The following SYNE2 variants were observed in gnomAD, a reference collection of about 807,000 sequenced individuals.
SYNE2 encodes the protein nesprin-2.
A neutral mutation model predicts 856.3 loss-of-function variants in SYNE2; 431 were observed. The observed-to-expected ratio is 0.50, with a 90% confidence interval of 0.47 to 0.55. SYNE2 has a LOEUF of 0.55. Among genes scored for constraint, SYNE2 ranks in the 20% least tolerant of loss-of-function variants. The pLI is 0.00. For synonymous variants in SYNE2, 2,923 were observed against 2,872.3 expected (o/e 1.02, Z -0.56); for missense variants, 8,129 against 8,023.2 (o/e 1.01, Z -0.50).
chr14:64,215,203 G>A (rs985034661), intron 106 of SYNE2, 83 bp from the exon 107 acceptor site: 3 of 1,239,216 alleles, frequency 2.4e-6, no homozygotes, highest in Non-Finnish European at 3.6e-6. Flanking sequence ...CCTTCCAGCT[G>A]ACAATGTTTC....
intron 64 of SYNE2, among the ~76,000 whole-genome samples, chr14:64,102,501 A>T (rs979338397): frequency 7.6e-5 from 9 of 118,276 alleles, no homozygotes; most frequent in East Asian, 2.3e-4. Context: ...CATGGGCTGA[A>T]TTTTTTTTTT....
chr14:64,058,547 C>T (rs1374582006), intron 49 of SYNE2, among the ~76,000 whole-genome samples: 1 of 152,100 alleles, frequency 6.6e-6, no homozygotes. Context: ...AGTGCAGTGG[C>T]ACAGTCTTGC....
chr14:64,201,587 T>TTCAGGGTAGGGCAGGGTAGGGCAGG (rs2098566503), intron 99 of SYNE2, among the ~76,000 whole-genome samples: 1 of 152,160 alleles, frequency 6.6e-6, no homozygotes, highest in East Asian at 1.9e-4. Flanking sequence ...CAGGGACTAT[T>TTCAGGGTAGGGCAGGGTAGGGCAGG]GAAGGCTTTG....
Position 64,081,558 on chromosome 14 carries a change from G to C in SYNE2, c.11462G>C (p.Ser3821Thr). The C allele has an allele frequency of 6.2e-7, 1 of 1,614,146 alleles. No homozygotes were observed. The highest frequency in any genetic ancestry group is 1.1e-5 in the South Asian group (1 of 91,082). Residue 3821 changes from serine to threonine, a missense_variant, in exon 57 of 116, where the codon AGT becomes ACT. Physicochemically the swap from Ser to Thr is moderately conservative, Grantham distance 58. Around this residue, in one of 3 missense-constraint regions of SYNE2, gnomAD observed 5,410 missense variants for 5,284.8 expected, o/e 1.02. Coordinates refer to ENST00000555002, the MANE Select transcript of SYNE2 (RefSeq NM_182914.3). Reference sequence around the variant, plus strand: ...GACTATGACTCTTTGAGGACACTGAGTCACCATGCTAGCACTGTGCAGGTA... The same window carrying C: ...GACTATGACTCTTTGAGGACACTGACTCACCATGCTAGCACTGTGCAGGTA... ...PADYDSLRTLSHHASTVQMAL... is the reference protein window; with the variant it reads ...PADYDSLRTLTHHASTVQMAL...
Position 64,129,793 on chromosome 14 carries a change from A to G in SYNE2, c.14031A>G (p.Ala4677=), listed in dbSNP as rs773432077. 133 of 1,614,070 alleles carry G rather than the reference A, an allele frequency of 8.2e-5. No individual in the cohort carries two copies. The highest frequency in any genetic ancestry group is 1.0e-4 in the Non-Finnish European group (122 of 1,180,050). ...TGTCTCTCACTTAGAAAGCAGATGCATATACAGTGGAGCTGGAGAACGCCG... is the reference window on the plus strand; with the variant it reads ...TGTCTCTCACTTAGAAAGCAGATGCGTATACAGTGGAGCTGGAGAACGCCG... The part of the protein sequence containing the change: ...SVAEQLQKAD[A]YTVELENAES... Residue 4677 remains alanine, a synonymous_variant, in exon 75 of 116, where the codon GCA becomes GCG. Coordinates refer to ENST00000555002, the MANE Select transcript of SYNE2 (RefSeq NM_182914.3).
rs749970226 is a variant in SYNE2, at chr14:64,052,618, A to G, written c.8705A>G (p.Tyr2902Cys). The G allele has an allele frequency of 3.1e-6, 5 of 1,614,124 alleles. No homozygotes were observed. The highest frequency in any genetic ancestry group is 2.2e-5 in the East Asian group (1 of 44,884). ...STHLQELTNI[Y>C]EELNVFERLF... is the part of the protein sequence containing the mutation. ...CATCTTCAGGAGCTAACAAACATCT[A>G]TGAGGAGCTGAATGTGTTTGAAAGA... Residue 2902 changes from tyrosine (Y) to cysteine (C), a missense_variant, in exon 48 of 116, where the codon TAT becomes TGT. Around this residue, in one of 3 missense-constraint regions of SYNE2, gnomAD observed 5,410 missense variants for 5,284.8 expected, o/e 1.02. Coordinates refer to ENST00000555002, the MANE Select transcript of SYNE2 (RefSeq NM_182914.3).
In SYNE2 at chr14:64,113,513, C is replaced by G; in HGVS notation, c.12782C>G (p.Pro4261Arg). The G allele has an allele frequency of 1.9e-6, 3 of 1,613,894 alleles. No homozygotes were observed. Among genetic ancestry groups the G allele is most frequent in the Non-Finnish European group, 2.5e-6 (3 of 1,179,924 alleles). The change falls in exon 66 of 116, where the codon CCG (proline) becomes CGG (arginine). Residue 4261 changes from proline to arginine, a missense_variant. Physicochemically the swap from Pro to Arg is moderately radical, Grantham distance 103. Around this residue, in one of 3 missense-constraint regions of SYNE2, gnomAD observed 5,410 missense variants for 5,284.8 expected, o/e 1.02. Transcript: ENST00000555002. ...CAACAAGCCAACGTGGCAGTTGAGCCGGAAACATTAAACGCAGACATGCAG... is the reference window on the plus strand; with the variant it reads ...CAACAAGCCAACGTGGCAGTTGAGCGGGAAACATTAAACGCAGACATGCAG... ...WLQQANVAVE[P>R]ETLNADMQQV...
intron 2 of SYNE2, among the ~76,000 whole-genome samples, chr14:63,910,039 A>G (rs2095454518): frequency 6.6e-6 from 1 of 152,200 alleles, no homozygotes; most frequent in African/African-American, 2.4e-5. Flanking sequence ...TAGACCTTCT[A>G]CCTTTGTTGA....
In SYNE2 at chr14:63,858,915, A is replaced by C. The variant is rs369274095; in HGVS notation, c.-52+5772A>C. On this transcript the variant is annotated intron_variant, in intron 1 of 115. Coordinates refer to ENST00000555002, the MANE Select transcript of SYNE2 (RefSeq NM_182914.3). ...TAAGAAATCTGCCTAATTCAAAGTC[A>C]AAAAGGCTTTCTCCTATGATTTTTT... is the stretch of plus-strand genomic sequence containing the variant. Among the ~76,000 whole-genome samples, 9 of 152,372 alleles carry C rather than the reference A, an allele frequency of 5.9e-5. No homozygotes were observed. The East Asian group carries it at 1.5e-3, about 26-fold the overall frequency.
chr14:64,167,062 A>G, intron 90 of SYNE2, 171 bp from the exon 91 acceptor site: 1 of 739,764 alleles, frequency 1.4e-6, no homozygotes, highest in Non-Finnish European at 2.2e-6. Flanking sequence ...CACAGCATTG[A>G]GATAGCTGAA....
chr14:63,972,215 C>T (rs562028305), intron 11 of SYNE2, among the ~76,000 whole-genome samples: 5 of 152,042 alleles, frequency 3.3e-5, no homozygotes, highest in African/African-American at 9.7e-5. Flanking sequence ...AAGACCTGTC[C>T]GTGACAGGTC....
At position 63,906,732 on chromosome 14, in the gene SYNE2, C is replaced by T. The variant is rs118001353; in HGVS notation, c.-51-2366C>T. 6.2e-4 allele frequency among the ~76,000 whole-genome samples: 94 copies of T among 152,274 alleles called. 2 individuals carry two copies. The East Asian group carries it at 0.013, about 21-fold the overall frequency. On this transcript the variant is annotated intron_variant, in intron 1 of 115. Transcript: ENST00000555002. ...AGGTACTGTCCAAATAATGCTAATT[C>T]TAATAGGACTATTTTGCATGAAATG...
At chr14:63,887,144 A>G (rs12894864) in intron 1 of SYNE2, among the ~76,000 whole-genome samples, 103,236 of 151,756 alleles carry the variant, frequency 0.68, 35,183 homozygotes, top group South Asian at 0.78. Flanking sequence ...AGCTGGGCGT[A>G]GTGGCCTGTG....
intron 1 of SYNE2, among the ~76,000 whole-genome samples, chr14:63,807,387 G>C (rs116931617): frequency 0.023 from 3,534 of 151,112 alleles, 51 homozygotes; most frequent in Middle Eastern, 0.069. Flanking sequence ...TGGAATGACA[G>C]GTTGTTTCAG....
At chr14:64,141,804 C>A in intron 81 of SYNE2, 138 bp from the exon 82 acceptor site, 1 of 1,160,520 alleles carries the variant, frequency 8.6e-7, no homozygotes, top group Non-Finnish European at 1.2e-6. Context: ...AGTTTGAATG[C>A]TGGGTTTGTT....
intron 108 of SYNE2, among the ~76,000 whole-genome samples, chr14:64,217,751 T>G (rs775494077): frequency 6.6e-6 from 1 of 152,088 alleles, no homozygotes. Context: ...GTTTTTTTTT[T>G]ATTATTTTCA....
intron 113 of SYNE2, among the ~76,000 whole-genome samples, chr14:64,223,748 C>G (rs942187947): frequency 2.6e-5 from 4 of 152,108 alleles, no homozygotes; most frequent in African/African-American, 9.7e-5. Context: ...CATAGCTGGC[C>G]TACTTTAAAA....
rs1369443633 is a variant in SYNE2 at position 64,225,856 on chromosome 14, G to A, written c.*330G>A. 3 of 572,554 alleles carry A rather than the reference G, an allele frequency of 5.2e-6. No individual in the cohort carries two copies. In the African/African-American group the frequency reaches 5.6e-5, roughly 11 times the overall value. 35.5% of individuals were successfully genotyped at this position (572,554 alleles called of 1,614,324 possible). A position where few individuals can be genotyped will look rare whatever the true frequency, so the allele number is the denominator to read the frequency against. On this transcript the variant is annotated 3_prime_UTR_variant, in exon 116 of 116. Transcript: ENST00000555002. The stretch of plus-strand genomic sequence containing the variant: ...GTTTGTAAAACAGCATTATTATAAT[G>A]TAGGTATGGTCAATGAGCAGTGGTG...
chr14:64,135,322 C>T (rs1382904159), intron 78 of SYNE2, among the ~76,000 whole-genome samples: 3 of 152,114 alleles, frequency 2.0e-5, no homozygotes, highest in African/African-American at 7.2e-5. Context: ...GGAAATAATT[C>T]CAGGGTTCTC....
Sources: allele counts gnomAD v4.1 joint callset (sites outside exome capture counted in the v4.1 genomes callset), GRCh38; gene constraint gnomAD v4.1.1; regional missense constraint gnomAD v4.1.1; transcripts MANE v1.5; gene names NCBI Gene and HGNC (gene_info 2026-07-23, HGNC 2026-07-21).